The following TSPAN18 variants were observed in gnomAD, a reference collection of about 807,000 sequenced individuals.
The protein encoded by TSPAN18 is tetraspanin-18.
In TSPAN18, 14 loss-of-function variants were observed where a neutral mutation model predicts 27.3. The ratio of observed to expected loss-of-function variants is 0.51; its 90% CI spans 0.34 to 0.80. The LOEUF (loss-of-function observed/expected upper bound fraction) is 0.80, where lower values mean the gene tolerates loss of function less well. TSPAN18 is among the 30% of genes least tolerant of loss of function. The pLI, the probability that TSPAN18 is intolerant of heterozygous loss-of-function variation, is 0.01. For missense variants in TSPAN18, 268 were observed against 323.9 expected (o/e 0.83, Z 1.32); for synonymous variants, 143 against 136.5 (o/e 1.05, Z -0.33).
At chr11:44,867,728 G>T (rs956934991) in intron 3 of TSPAN18, among the ~76,000 whole-genome samples, 1 of 152,170 alleles carries the variant, frequency 6.6e-6, no homozygotes, top group African/African-American at 2.4e-5. Context: ...AGGGGACAAA[G>T]GAGTCTGTGT....
chr11:44,929,464 A>T lies in TSPAN18; in HGVS notation c.*286A>T. On this transcript the variant is annotated 3_prime_UTR_variant, in exon 10 of 10. Coordinates refer to ENST00000520358, the MANE Select transcript of TSPAN18 (RefSeq NM_130783.5). Reference sequence around the variant, plus strand: ...GCAGGCTGCTCTAGAGACCAAAGGAACACCAGGCCCAGCGCCCTCTTTGGT... The same window carrying T: ...GCAGGCTGCTCTAGAGACCAAAGGATCACCAGGCCCAGCGCCCTCTTTGGT... The T allele has an allele frequency of 2.3e-6, 1 of 443,862 alleles. No homozygotes were observed. Among genetic ancestry groups the T allele is most frequent in the East Asian group, 3.7e-5 (1 of 26,902 alleles). 27.5% of individuals were successfully genotyped at this position (443,862 alleles called of 1,614,324 possible). A position where few individuals can be genotyped will look rare whatever the true frequency, so the allele number is the denominator to read the frequency against.
intron 1 of TSPAN18, among the ~76,000 whole-genome samples, 151 bp from the exon 2 acceptor site, chr11:44,764,275 C>A (rs539684751): frequency 1.1e-4 from 16 of 152,324 alleles, no homozygotes; most frequent in African/African-American, 3.4e-4. Flanking sequence ...CAAACCATAT[C>A]ACCAGTCATG....
At chr11:44,881,271 C>T (rs111757424) in intron 3 of TSPAN18, among the ~76,000 whole-genome samples, 23 of 152,272 alleles carry the variant, frequency 1.5e-4, no homozygotes, top group Admixed American at 9.8e-4. Context: ...GGAACTAGGT[C>T]CCCAGCCAGT....
intron 3 of TSPAN18, among the ~76,000 whole-genome samples, chr11:44,894,733 C>T (rs1858981059): frequency 6.6e-6 from 1 of 152,214 alleles, no homozygotes; most frequent in African/African-American, 2.4e-5. Context: ...CCTGGGCCAT[C>T]CCCAAGGGCC....
intron 2 of TSPAN18, among the ~76,000 whole-genome samples, chr11:44,811,780 AAGAACATTT>A (rs1856723164): frequency 1.3e-5 from 2 of 152,200 alleles, no homozygotes; most frequent in Admixed American, 1.3e-4. Context: ...ATGCTTTTTA[AAGAACATTT>A]AGCCCTGAGT....
intron 3 of TSPAN18, among the ~76,000 whole-genome samples, chr11:44,895,328 G>A (rs939586894): frequency 1.3e-5 from 2 of 152,168 alleles, no homozygotes; most frequent in African/African-American, 4.8e-5. Context: ...AGCTCCCATG[G>A]TACTGTGAAT....
chr11:44,798,266 TC>T (rs1430802709), intron 2 of TSPAN18, among the ~76,000 whole-genome samples: 2 of 152,200 alleles, frequency 1.3e-5, no homozygotes, highest in Non-Finnish European at 2.9e-5. Context: ...ATCCTTAAAC[TC>T]CCGAGCAATG....
In TSPAN18 at chr11:44,836,592, A is replaced by G. The variant is rs151307734; in HGVS notation, c.-152-23736A>G. On this transcript the variant is annotated intron_variant, in intron 2 of 9. Coordinates refer to ENST00000520358, the MANE Select transcript of TSPAN18 (RefSeq NM_130783.5). ...GGCGATACAAAACAACAGATTTTCA[A>G]TGTAGATGAAACAGCCTTCTACTGG... is the stretch of plus-strand genomic sequence containing the variant. 3.6e-3 allele frequency among the ~76,000 whole-genome samples: 550 copies of G among 152,352 alleles called. 3 individuals carry two copies. The highest frequency in any genetic ancestry group is 0.013 in the African/African-American group (528 of 41,584).
intron 3 of TSPAN18, among the ~76,000 whole-genome samples, chr11:44,892,864 C>T (rs1858898756): frequency 6.6e-6 from 1 of 152,194 alleles, no homozygotes; most frequent in African/African-American, 2.4e-5. Flanking sequence ...CTGCTCACCT[C>T]GCAGGGTAGT....
Position 44,929,379 on chromosome 11 carries a change from C to A in TSPAN18, c.*201C>A. 1 of 655,082 alleles carries A rather than the reference C, an allele frequency of 1.5e-6. No homozygotes were observed. Among genetic ancestry groups the A allele is most frequent in the Non-Finnish European group, 2.6e-6 (1 of 390,760 alleles). The allele number at this position is 655,082 out of a possible 1,614,324, so 40.6% of individuals were successfully genotyped here. ...ACAAAAATATGGACTGATGTATCCTCGCCTGGACTCAGGGCAGGTGCCGTG... is the reference window on the plus strand; with the variant it reads ...ACAAAAATATGGACTGATGTATCCTAGCCTGGACTCAGGGCAGGTGCCGTG... On this transcript the variant is annotated 3_prime_UTR_variant, in exon 10 of 10. Transcript: ENST00000520358.
intron 2 of TSPAN18, among the ~76,000 whole-genome samples, chr11:44,826,700 C>T (rs1446665101): frequency 6.6e-6 from 1 of 152,182 alleles, no homozygotes; most frequent in Non-Finnish European, 1.5e-5. Flanking sequence ...ATGTCAGACT[C>T]TAAAGCCAAA....
At chr11:44,734,166 G>C (rs1854731532) in intron 1 of TSPAN18, among the ~76,000 whole-genome samples, 1 of 152,102 alleles carries the variant, frequency 6.6e-6, no homozygotes, top group African/African-American at 2.4e-5. Context: ...GCAGCCTGAG[G>C]CCCTCTCCAG....
chr11:44,836,831 T>C (rs1857273779), intron 2 of TSPAN18, among the ~76,000 whole-genome samples: 1 of 152,220 alleles, frequency 6.6e-6, no homozygotes, highest in Admixed American at 6.5e-5. Context: ...GAACAAAGCC[T>C]GGATGACAGC....
At chr11:44,733,951 GT>G (rs1360435742) in intron 1 of TSPAN18, among the ~76,000 whole-genome samples, 3 of 152,178 alleles carry the variant, frequency 2.0e-5, no homozygotes, top group Non-Finnish European at 4.4e-5. Context: ...ACTGTTGGAG[GT>G]TGTGGGGGTG....
intron 2 of TSPAN18, among the ~76,000 whole-genome samples, chr11:44,842,949 G>C (rs888190573): frequency 6.6e-6 from 1 of 151,396 alleles, no homozygotes; most frequent in Non-Finnish European, 1.5e-5. Context: ...CCCCAACCAG[G>C]TGACTACCAT....
intron 2 of TSPAN18, among the ~76,000 whole-genome samples, chr11:44,852,268 T>C (rs1024001558): frequency 2.6e-5 from 4 of 152,190 alleles, no homozygotes; most frequent in African/African-American, 9.7e-5. Context: ...AAAGAGGCCT[T>C]GGTGAAGAGG....
At chr11:44,814,176 TA>T (rs1184283890) in intron 2 of TSPAN18, among the ~76,000 whole-genome samples, 4 of 152,190 alleles carry the variant, frequency 2.6e-5, no homozygotes, top group East Asian at 1.9e-4. Flanking sequence ...AATAATTTTT[TA>T]AAAAAAGTCA....
chr11:44,826,248 C>A (rs1300093023), intron 2 of TSPAN18, among the ~76,000 whole-genome samples: 1 of 152,148 alleles, frequency 6.6e-6, no homozygotes, highest in Non-Finnish European at 1.5e-5. Flanking sequence ...CATGGAGAAA[C>A]CCCGTCTCTA....
At chr11:44,774,718 A>G (rs763289222) in intron 2 of TSPAN18, among the ~76,000 whole-genome samples, 3 of 150,032 alleles carry the variant, frequency 2.0e-5, no homozygotes, top group Non-Finnish European at 4.4e-5. Context: ...GAGATGAAAA[A>G]CTCCCACTCC....
Sources: allele counts gnomAD v4.1 joint callset (sites outside exome capture counted in the v4.1 genomes callset), GRCh38; gene constraint gnomAD v4.1.1; transcripts MANE v1.5; gene names NCBI Gene and HGNC (gene_info 2026-07-23, HGNC 2026-07-21).